Variants in CSF1R observed in about 807,000 individuals in gnomAD.
The protein encoded by CSF1R is macrophage colony-stimulating factor 1 receptor.
Under a neutral mutation model 110.0 loss-of-function variants are expected in CSF1R, and 40 were observed. The observed-to-expected ratio is 0.36, with a 90% CI of 0.28 to 0.47. The LOEUF is 0.47. Among genes scored for constraint, CSF1R ranks in the 20% least tolerant of loss-of-function variants. CSF1R has a pLI of 0.99. For synonymous variants in CSF1R, 523 were observed against 503.4 expected (o/e 1.04, Z -0.52); for missense variants, 1,052 against 1,253.0 (o/e 0.84, Z 2.42).
At chr5:150,077,894 C>T (rs1275181609) in intron 4 of CSF1R, among the ~76,000 whole-genome samples, 2 of 151,734 alleles carry the variant, frequency 1.3e-5, no homozygotes, top group African/African-American at 4.8e-5. Flanking sequence ...CCCCCACCCA[C>T]CCCCACAAAG....
At chr5:150,094,819 C>T (rs1759166239) in intron 1 of CSF1R, 1 of 1,353,526 alleles carries the variant, frequency 7.4e-7, no homozygotes, top group Non-Finnish European at 1.0e-6. Context: ...ACAGATAACG[C>T]TTTGATTGCT....
Position 150,068,225 on chromosome 5 carries a change from T to G in CSF1R, c.1616A>C (p.Lys539Thr), listed in dbSNP as rs772598059. The G allele has an allele frequency of 1.2e-6, 2 of 1,611,284 alleles. No individual in the cohort carries two copies. The highest frequency in any genetic ancestry group is 1.7e-6 in the Non-Finnish European group (2 of 1,179,726). The change falls in exon 10 of 21, where the codon AAG becomes ACG. Residue 539 changes from lysine to threonine, a missense_variant. Coordinates refer to ENST00000675795, the MANE Select transcript of CSF1R (RefSeq NM_001288705.3). ...LLLLLLLLLY[K>T]YKQKPKYQVR... is the part of the protein sequence containing the mutation. ...TCCGCTCCGGCTCACCTGCTTATAC[T>G]TGTACAATAGCAGCAGGAGCAGCAG... is the stretch of plus-strand genomic sequence containing the variant.
intron 5 of CSF1R, among the ~76,000 whole-genome samples, chr5:150,074,720 T>C (rs762682): frequency 0.035 from 5,279 of 152,210 alleles, 316 homozygotes; most frequent in African/African-American, 0.12. Flanking sequence ...TCTACACTGA[T>C]ATATGTCTAC....
At position 150,080,889 on chromosome 5, in the gene CSF1R, G is replaced by A; in HGVS notation, c.185C>T (p.Ser62Phe). Reference protein sequence around the residue: ...GPPSPHWTLYSDGSSSILSTN... With the variant: ...GPPSPHWTLYFDGSSSILSTN... ...GCTGAGGATGCTGCTGGAGCCATCA[G>A]AGTACAGGGTCCAGTGAGGTGATGG... Residue 62 changes from serine (S) to phenylalanine (F), a missense_variant, in exon 2 of 21, where the codon TCT becomes TTT. Physicochemically the swap from Ser to Phe is radical, Grantham distance 155 (BLOSUM62 -2). Around this residue, in one of 5 missense-constraint regions of CSF1R, gnomAD observed 693 missense variants for 735.4 expected, o/e 0.94. Transcript: ENST00000675795. 1 of 1,614,206 alleles carries A rather than the reference G, an allele frequency of 6.2e-7. No homozygotes were observed. The highest frequency in any genetic ancestry group is 8.5e-7 in the Non-Finnish European group (1 of 1,180,036).
chr5:150,079,954 C>G, intron 3 of CSF1R, 98 bp downstream of exon 3: 1 of 1,385,368 alleles, frequency 7.2e-7, no homozygotes, highest in Non-Finnish European at 9.9e-7. Context: ...CATCCCACTG[C>G]CCCCCATCAC....
At chr5:150,087,434 G>T (rs1289699332), upstream of CSF1R, among the ~76,000 whole-genome samples, 1 of 152,210 alleles carries the variant, frequency 6.6e-6, no homozygotes, top group Non-Finnish European at 1.5e-5. Flanking sequence ...TCATTTCACA[G>T]ATGGGAAAAC....
At chr5:150,062,782 T>C (rs1757589517) in intron 10 of CSF1R, among the ~76,000 whole-genome samples, 1 of 152,064 alleles carries the variant, frequency 6.6e-6, no homozygotes, top group South Asian at 2.1e-4. Context: ...TCTCAAGTGG[T>C]GCTATGAAGA....
At chr5:150,108,877 G>T (rs896331209) in intron 1 of CSF1R, among the ~76,000 whole-genome samples, 1 of 152,160 alleles carries the variant, frequency 6.6e-6, no homozygotes, top group Non-Finnish European at 1.5e-5. Flanking sequence ...GGTGAGGGAA[G>T]AGCCAGCTGG....
Position 150,086,404 on chromosome 5 carries a change from GAGC to G in CSF1R, c.21_23del (p.Leu10del). On this transcript the variant is annotated inframe_deletion, in exon 1 of 21. Transcript: ENST00000675795. ...CATGCCAAGCTGTGGCCACCAGCAGGAGCAGCAGAACTCCTGGGCCCATGGCCT... is the reference window on the plus strand; with the variant it reads ...CATGCCAAGCTGTGGCCACCAGCAGGAGCAGAACTCCTGGGCCCATGGCCT... 6.2e-7 allele frequency: 1 copy of G among 1,610,608 alleles called. No individual in the cohort carries two copies. Among genetic ancestry groups the G allele is most frequent in the Non-Finnish European group, 8.5e-7 (1 of 1,178,720 alleles).
At chr5:150,084,135 G>C (rs970143562) in intron 1 of CSF1R, among the ~76,000 whole-genome samples, 1 of 151,886 alleles carries the variant, frequency 6.6e-6, no homozygotes, top group Non-Finnish European at 1.5e-5. Context: ...TCAGGAGTTC[G>C]AGACCAGCAT....
intron 10 of CSF1R, among the ~76,000 whole-genome samples, chr5:150,065,247 G>A (rs989664155): frequency 3.9e-5 from 6 of 152,182 alleles, no homozygotes; most frequent in African/African-American, 1.4e-4. Flanking sequence ...CTCCATCCCA[G>A]GAAGGTGGAG....
chr5:150,081,234 C>G (rs1453926521), intron 1 of CSF1R, among the ~76,000 whole-genome samples: 1 of 152,108 alleles, frequency 6.6e-6, no homozygotes, highest in African/African-American at 2.4e-5. Flanking sequence ...TCCAGGAGGT[C>G]CCTCCTCTGA....
intron 1 of CSF1R, among the ~76,000 whole-genome samples, chr5:150,110,173 C>T (rs553546169): frequency 7.2e-5 from 11 of 152,278 alleles, no homozygotes; most frequent in South Asian, 6.2e-4. Flanking sequence ...CTACTCACCC[C>T]GGCACTCCAG....
At position 150,055,941 on chromosome 5, in the gene CSF1R, C is replaced by A. The variant is rs1278074531; in HGVS notation, c.2554+85G>T. On this transcript the variant is annotated intron_variant, in intron 18 of 20. Transcript: ENST00000675795. Reference sequence around the variant, plus strand: ...CACTCTCACCAACCCTCGCTGTGTCCTGGGCACCAAACAGCTTTGTCCACC... The same window carrying A: ...CACTCTCACCAACCCTCGCTGTGTCATGGGCACCAAACAGCTTTGTCCACC... The A allele has an allele frequency of 8.7e-6, 11 of 1,260,534 alleles. No homozygotes were observed. In the East Asian group the frequency reaches 2.6e-4, roughly 30 times the overall value. 78.1% of individuals were successfully genotyped at this position (1,260,534 alleles called of 1,614,324 possible). A position where few individuals can be genotyped will look rare whatever the true frequency, so the allele number is the denominator to read the frequency against.
intron 1 of CSF1R, among the ~76,000 whole-genome samples, chr5:150,095,606 G>A (rs1264563360): frequency 6.6e-6 from 1 of 151,732 alleles, no homozygotes; most frequent in African/African-American, 2.4e-5. Flanking sequence ...ACCACCTTAA[G>A]AAACTAGAAA....
chr5:150,106,995 C>A (rs77529900), intron 1 of CSF1R, among the ~76,000 whole-genome samples: 25 of 152,362 alleles, frequency 1.6e-4, no homozygotes, highest in African/African-American at 6.0e-4. Flanking sequence ...CCTGGTAGGG[C>A]CAGTCTCCCT....
intron 5 of CSF1R, among the ~76,000 whole-genome samples, chr5:150,076,692 C>G (rs778788034): frequency 6.6e-6 from 1 of 152,234 alleles, no homozygotes; most frequent in Non-Finnish European, 1.5e-5. Context: ...CTCCACATCC[C>G]AGCTGTTGTC....
chr5:150,100,342 G>A (rs1211031862), intron 1 of CSF1R, among the ~76,000 whole-genome samples: 1 of 119,730 alleles, frequency 8.4e-6, no homozygotes, highest in Non-Finnish European at 1.6e-5. Flanking sequence ...CTGTCACCCA[G>A]GTTGGAGTAC....
rs929073648 is a variant in CSF1R, at chr5:150,069,440, G to A, written c.1510+433C>T. The stretch of plus-strand genomic sequence containing the variant: ...CAAGAGGGGAGAGTTGGAGAAGGCC[G>A]TCCTTAGCTGGCCCCGAGCTGGAGA... On this transcript the variant is annotated intron_variant, in intron 9 of 20. Coordinates refer to ENST00000675795, the MANE Select transcript of CSF1R (RefSeq NM_001288705.3). 2.0e-5 allele frequency among the ~76,000 whole-genome samples: 3 copies of A among 152,276 alleles called. 1 individual carries two copies. The highest frequency in any genetic ancestry group is 1.5e-5 in the Non-Finnish European group (1 of 68,008).
Sources: gnomAD v4.1 joint callset for allele counts (sites outside exome capture counted in the v4.1 genomes callset) on GRCh38, gnomAD v4.1.1 for gene constraint, gnomAD v4.1.1 regional missense constraint, MANE v1.5 for transcripts, NCBI Gene and HGNC (gene_info 2026-07-23, HGNC 2026-07-21) for gene names.